Variants in PRKCE observed in about 807,000 individuals in gnomAD.
PRKCE encodes the protein protein kinase C epsilon, also known as protein kinase C epsilon type.
Under a neutral mutation model 85.4 loss-of-function variants are expected in PRKCE, and 16 were observed. That is an observed-to-expected ratio of 0.19 (90% CI 0.13 to 0.28). PRKCE has a LOEUF of 0.28. PRKCE is among the 10% of genes least tolerant of loss of function. The pLI is 1.00. For missense variants in PRKCE, 573 were observed against 975.2 expected (o/e 0.59, Z 5.49); for synonymous variants, 388 against 371.5 (o/e 1.04, Z -0.51).
At chr2:45,767,279 A>T (rs1011461691) in intron 1 of PRKCE, among the ~76,000 whole-genome samples, 6 of 132,732 alleles carry the variant, frequency 4.5e-5, no homozygotes, top group South Asian at 2.4e-4. Context: ...GAAACTTTTT[A>T]AAAAAAGGAA....
At chr2:46,143,589 A>G (rs888071468) in intron 11 of PRKCE, among the ~76,000 whole-genome samples, 1 of 152,146 alleles carries the variant, frequency 6.6e-6, no homozygotes, top group African/African-American at 2.4e-5. Flanking sequence ...CTTTACCAGG[A>G]CAAGGCTACA....
intron 2 of PRKCE, among the ~76,000 whole-genome samples, chr2:45,859,371 C>A (rs1429994634): frequency 6.6e-6 from 1 of 152,122 alleles, no homozygotes; most frequent in Non-Finnish European, 1.5e-5. Context: ...CAGATACGTG[C>A]ACATTCGGCT....
intron 1 of PRKCE, among the ~76,000 whole-genome samples, chr2:45,812,403 C>G (rs918912500): frequency 2.0e-5 from 3 of 152,182 alleles, no homozygotes; most frequent in Non-Finnish European, 2.9e-5. Flanking sequence ...AAAACAAGTA[C>G]TTACGGAGCA....
At chr2:45,691,560 C>T (rs1368007863) in intron 1 of PRKCE, among the ~76,000 whole-genome samples, 1 of 152,244 alleles carries the variant, frequency 6.6e-6, no homozygotes, top group Non-Finnish European at 1.5e-5. Context: ...TCCTAAAAGG[C>T]TTTCAGTTCA....
At chr2:46,050,956 C>T (rs1440720826) in intron 10 of PRKCE, among the ~76,000 whole-genome samples, 5 of 152,196 alleles carry the variant, frequency 3.3e-5, no homozygotes, top group African/African-American at 1.2e-4. Context: ...TCCTCCCTTC[C>T]TTTCACTTCA....
chr2:45,747,986 G>T (rs930028387), intron 1 of PRKCE, among the ~76,000 whole-genome samples: 1 of 152,078 alleles, frequency 6.6e-6, no homozygotes, highest in Non-Finnish European at 1.5e-5. Context: ...AGAAATGTCT[G>T]TTCAAGTCCT....
chr2:46,161,268 A>T (rs1010776520), intron 14 of PRKCE, among the ~76,000 whole-genome samples: 1 of 152,256 alleles, frequency 6.6e-6, no homozygotes, highest in African/African-American at 2.4e-5. Flanking sequence ...AAATAGGGGA[A>T]GTAGGACCCC....
intron 1 of PRKCE, among the ~76,000 whole-genome samples, chr2:45,808,184 T>C (rs970917468): frequency 6.6e-6 from 1 of 152,142 alleles, no homozygotes; most frequent in African/African-American, 2.4e-5. Context: ...GTTATAAGTG[T>C]CTGGTTGGCA....
intron 2 of PRKCE, among the ~76,000 whole-genome samples, chr2:45,854,139 G>A (rs552472146): frequency 1.1e-3 from 173 of 152,214 alleles, no homozygotes; most frequent in Non-Finnish European, 2.4e-3. Context: ...TCATTCAAGG[G>A]CAGAGGTTCC....
intron 11 of PRKCE, among the ~76,000 whole-genome samples, chr2:46,126,333 G>A (rs1288949453): frequency 6.6e-6 from 1 of 152,112 alleles, no homozygotes; most frequent in Non-Finnish European, 1.5e-5. Context: ...TCCCCTCTTT[G>A]TAGACCTCGC....
intron 2 of PRKCE, among the ~76,000 whole-genome samples, chr2:45,885,572 A>G (rs759512431): frequency 1.5e-4 from 23 of 152,374 alleles, no homozygotes; most frequent in Non-Finnish European, 2.9e-4. Flanking sequence ...ATGAATTAAT[A>G]TATCTGTCTG....
chr2:45,909,871 A>G (rs1305516297), intron 2 of PRKCE, among the ~76,000 whole-genome samples: 1 of 152,200 alleles, frequency 6.6e-6, no homozygotes, highest in Non-Finnish European at 1.5e-5. Flanking sequence ...CCAACAACTT[A>G]ATTTTCCCCA....
intron 1 of PRKCE, among the ~76,000 whole-genome samples, chr2:45,661,506 G>GT (rs1558533835): frequency 1.9e-5 from 2 of 107,430 alleles, no homozygotes; most frequent in African/African-American, 6.5e-5. Flanking sequence ...AGTTTTTTTT[G>GT]TTTTGTTTTG....
chr2:45,692,705 G>A (rs1677828431), intron 1 of PRKCE, among the ~76,000 whole-genome samples: 1 of 115,646 alleles, frequency 8.6e-6, no homozygotes, highest in African/African-American at 3.1e-5. Flanking sequence ...GAGTCCAAGG[G>A]AGGACACACA....
intron 1 of PRKCE, among the ~76,000 whole-genome samples, chr2:45,837,723 C>A (rs900647059): frequency 6.6e-6 from 1 of 152,050 alleles, no homozygotes; most frequent in Non-Finnish European, 1.5e-5. Context: ...AGATTCTCAA[C>A]AGCACTAATA....
At chr2:45,850,702 C>T (rs1237526855) in intron 2 of PRKCE, among the ~76,000 whole-genome samples, 1 of 152,190 alleles carries the variant, frequency 6.6e-6, no homozygotes, top group Non-Finnish European at 1.5e-5. Context: ...TTTAATCGAG[C>T]TGTTGACACT....
chr2:45,972,559 T>C (rs1702178051), intron 2 of PRKCE, among the ~76,000 whole-genome samples: 1 of 152,236 alleles, frequency 6.6e-6, no homozygotes, highest in South Asian at 2.1e-4. Flanking sequence ...AAGAAAGTTT[T>C]CCCCTATGTT....
intron 2 of PRKCE, among the ~76,000 whole-genome samples, chr2:45,872,146 A>G (rs1031376873): frequency 1.3e-5 from 2 of 152,194 alleles, no homozygotes; most frequent in African/African-American, 2.4e-5. Context: ...ATTAAGCAAG[A>G]AAGGGTGATA....
At chr2:46,150,633 G>T (rs889894859) in intron 12 of PRKCE, among the ~76,000 whole-genome samples, 3 of 152,218 alleles carry the variant, frequency 2.0e-5, no homozygotes, top group Non-Finnish European at 4.4e-5. Context: ...CCTGGACTGT[G>T]TGAGATGGGA....
Sources: allele counts gnomAD v4.1 joint callset (sites outside exome capture counted in the v4.1 genomes callset), GRCh38; gene constraint gnomAD v4.1.1; transcripts MANE v1.5; gene names NCBI Gene and HGNC (gene_info 2026-07-23, HGNC 2026-07-21).